The following EYA2 variants were observed in gnomAD, a reference collection of about 807,000 sequenced individuals.
EYA2 encodes the protein EYA transcriptional coactivator and phosphatase 2.
Under a neutral mutation model 69.2 loss-of-function variants are expected in EYA2, and 31 were observed. The observed-to-expected ratio is 0.45, with a 90% CI of 0.34 to 0.60. The LOEUF (loss-of-function observed/expected upper bound fraction) is 0.60. Among genes scored for constraint, EYA2 ranks in the 20% least tolerant of loss-of-function variants. EYA2 has a pLI of 0.02. For synonymous variants in EYA2, 257 were observed against 279.4 expected, an observed-to-expected ratio of 0.92 and a Z score of 0.80; for missense variants, 622 against 701.2, an observed-to-expected ratio of 0.89 and a Z score of 1.28.
chr20:47,062,602 T>C (rs1451163019), intron 5 of EYA2, among the ~76,000 whole-genome samples: 1 of 152,060 alleles, frequency 6.6e-6, no homozygotes, highest in Non-Finnish European at 1.5e-5. Context: ...ATTTTGAAGA[T>C]CCCAAATCTC....
intron 1 of EYA2, among the ~76,000 whole-genome samples, chr20:46,905,153 T>C (rs1324969220): frequency 1.6e-4 from 24 of 151,988 alleles, no homozygotes; most frequent in Non-Finnish European, 7.4e-5. Flanking sequence ...ACAGGAGTTA[T>C]TATGTGACAG....
intron 9 of EYA2, among the ~76,000 whole-genome samples, chr20:47,105,290 A>G (rs2032540898): frequency 6.6e-6 from 1 of 152,172 alleles, no homozygotes; most frequent in South Asian, 2.1e-4. Context: ...TGTGCCAGGA[A>G]TGCCCATCTC....
At chr20:47,068,091 C>T (rs2031182101) in intron 5 of EYA2, among the ~76,000 whole-genome samples, 1 of 152,142 alleles carries the variant, frequency 6.6e-6, no homozygotes, top group Non-Finnish European at 1.5e-5. Flanking sequence ...AGCTTTATGA[C>T]TTGGGAAAAA....
intron 15 of EYA2, among the ~76,000 whole-genome samples, chr20:47,183,734 C>G (rs2034582896): frequency 6.6e-6 from 1 of 152,128 alleles, no homozygotes; most frequent in African/African-American, 2.4e-5. Context: ...TATGTTCCAG[C>G]AACCCTTCCC....
chr20:46,961,164 G>A (rs1208595865), intron 1 of EYA2, among the ~76,000 whole-genome samples: 2 of 152,090 alleles, frequency 1.3e-5, no homozygotes, highest in African/African-American at 2.4e-5. Context: ...GTGAAACCCC[G>A]TCTCTACTAA....
At chr20:47,097,827 C>T (rs776106944) in intron 9 of EYA2, among the ~76,000 whole-genome samples, 2 of 152,154 alleles carry the variant, frequency 1.3e-5, no homozygotes, top group South Asian at 2.1e-4. Context: ...GAACAGACGA[C>T]GAGTGGATGC....
intron 5 of EYA2, among the ~76,000 whole-genome samples, chr20:47,071,102 C>T (rs568393829): frequency 7.0e-4 from 107 of 152,164 alleles, no homozygotes; most frequent in African/African-American, 1.6e-3. Flanking sequence ...CTCCGCCTCC[C>T]GAGTTCAAGC....
At chr20:46,987,916 G>GACTCTCTCTCCC (rs56288405) in intron 1 of EYA2, among the ~76,000 whole-genome samples, 762 of 20,362 alleles carry the variant, frequency 0.037, 188 homozygotes, top group Non-Finnish European at 0.048. Flanking sequence ...GACAGAGTAA[G>GACTCTCTCTCCC]TCTCTCTCTC....
chr20:47,106,247 G>C (rs2146533051), intron 9 of EYA2, among the ~76,000 whole-genome samples: 1 of 152,314 alleles, frequency 6.6e-6, no homozygotes, highest in East Asian at 1.9e-4. Context: ...GCAAGCACCA[G>C]GGTGGTCTGC....
intron 5 of EYA2, among the ~76,000 whole-genome samples, chr20:47,034,863 TTCCTTGGCAA>T (rs759014956): frequency 6.6e-6 from 1 of 152,186 alleles, no homozygotes; most frequent in Admixed American, 6.5e-5. Flanking sequence ...GTGGCAGGCA[TTCCTTGGCAA>T]TCCTTGGCCT....
chr20:47,100,381 G>A (rs1315409949), intron 9 of EYA2, among the ~76,000 whole-genome samples: 1 of 152,148 alleles, frequency 6.6e-6, no homozygotes, highest in Non-Finnish European at 1.5e-5. Context: ...CTCTTAGGGG[G>A]GGTGGACATT....
At chr20:47,120,834 A>G (rs1174227110) in intron 9 of EYA2, among the ~76,000 whole-genome samples, 2 of 152,182 alleles carry the variant, frequency 1.3e-5, no homozygotes, top group Non-Finnish European at 2.9e-5. Flanking sequence ...GGAAATTCAG[A>G]TAGGACTTTT....
chr20:46,897,432 A>C (rs1367395591), intron 1 of EYA2, among the ~76,000 whole-genome samples: 4 of 152,192 alleles, frequency 2.6e-5, no homozygotes, highest in Admixed American at 2.6e-4. Context: ...CAAAGAAGAA[A>C]CCGTTTCCTT....
intron 1 of EYA2, among the ~76,000 whole-genome samples, chr20:46,952,138 A>G (rs1205626873): frequency 3.3e-5 from 5 of 152,154 alleles, no homozygotes; most frequent in African/African-American, 7.2e-5. Context: ...CCGCCGAGCA[A>G]TGGGGCAGGA....
chr20:47,127,370 G>A (rs146110514), intron 9 of EYA2, among the ~76,000 whole-genome samples: 1,536 of 152,236 alleles, frequency 0.01, 23 homozygotes, highest in African/African-American at 0.034. Flanking sequence ...TTGGAAGGCC[G>A]AGGCGAGAGG....
chr20:47,080,848 A>G (rs560162367), intron 7 of EYA2, among the ~76,000 whole-genome samples: 30 of 152,176 alleles, frequency 2.0e-4, no homozygotes, highest in Non-Finnish European at 3.1e-4. Context: ...CTCGTTCACT[A>G]TCACAAGAAC....
chr20:46,969,554 T>TGTTC (rs1167020426), intron 1 of EYA2, among the ~76,000 whole-genome samples: 4 of 152,180 alleles, frequency 2.6e-5, no homozygotes, highest in Non-Finnish European at 5.9e-5. Context: ...CTTTTGTTTT[T>TGTTC]GTTTGTTTAC....
At chr20:46,993,339 T>A (rs553579024) in intron 2 of EYA2, among the ~76,000 whole-genome samples, 1 of 152,218 alleles carries the variant, frequency 6.6e-6, no homozygotes, top group East Asian at 1.9e-4. Flanking sequence ...TCTCCGTCCC[T>A]ATTGCCTTTG....
intron 9 of EYA2, among the ~76,000 whole-genome samples, chr20:47,124,749 ACT>A (rs1247588068): frequency 1.3e-5 from 2 of 151,804 alleles, no homozygotes; most frequent in Non-Finnish European, 2.9e-5. Flanking sequence ...AGAGTTGGTC[ACT>A]CTACTCCATA....
Sources: gnomAD v4.1 joint callset for allele counts (sites outside exome capture counted in the v4.1 genomes callset) on GRCh38, gnomAD v4.1.1 for gene constraint, MANE v1.5 for transcripts, NCBI Gene and HGNC (gene_info 2026-07-23, HGNC 2026-07-21) for gene names.